MYOF: variants seen among roughly 807,000 people sequenced by gnomAD.
The protein encoded by MYOF is fer-1-like 3, myoferlin.
A neutral mutation model predicts 284.2 loss-of-function variants in MYOF; 244 were observed. The ratio of observed to expected loss-of-function variants is 0.86; its 90% CI spans 0.77 to 0.95. The LOEUF is 0.95. Among genes scored for constraint, MYOF ranks in the 40% least tolerant of loss-of-function variants. The probability of loss-of-function intolerance (pLI) is 0.00; values close to 1 mark genes in which losing one functional copy is unlikely to be tolerated. For missense variants in MYOF, 2,496 were observed against 2,560.6 expected (o/e 0.97, Z 0.54); for synonymous variants, 904 against 919.7 (o/e 0.98, Z 0.31).
At position 93,452,031 on chromosome 10, in the gene MYOF, A is replaced by C; in HGVS notation, c.236+19T>G. On this transcript the variant is annotated intron_variant, in intron 3 of 53. Coordinates refer to ENST00000359263, the MANE Select transcript of MYOF (RefSeq NM_013451.4). Reference sequence around the variant, plus strand: ...GATAGTAATACCTAAAATGAGAAAAACAGGTGAAAACAACTTACTTATTTT... The same window carrying C: ...GATAGTAATACCTAAAATGAGAAAACCAGGTGAAAACAACTTACTTATTTT... The C allele has an allele frequency of 6.5e-7, 1 of 1,543,828 alleles. No homozygotes were observed. The highest frequency in any genetic ancestry group is 1.2e-5 in the South Asian group (1 of 86,056).
chr10:93,462,364 C>A (rs1211904350), intron 1 of MYOF, among the ~76,000 whole-genome samples: 1 of 152,200 alleles, frequency 6.6e-6, no homozygotes, highest in Non-Finnish European at 1.5e-5. Flanking sequence ...GACACCGTGC[C>A]CGGCCTGCTA....
At chr10:93,367,668 A>G (rs1039892441) in intron 25 of MYOF, among the ~76,000 whole-genome samples, 4 of 152,102 alleles carry the variant, frequency 2.6e-5, no homozygotes, top group Admixed American at 2.6e-4. Context: ...TGGCATGGAC[A>G]AGAGGGTATC....
At chr10:93,331,249 G>C (rs938629350) in intron 43 of MYOF, among the ~76,000 whole-genome samples, 8 of 152,132 alleles carry the variant, frequency 5.3e-5, no homozygotes, top group Non-Finnish European at 1.2e-4. Context: ...GTCCCCAAGA[G>C]TCTCTGCGGA....
intron 26 of MYOF, among the ~76,000 whole-genome samples, chr10:93,365,691 T>C (rs1845292973): frequency 6.6e-6 from 1 of 152,196 alleles, no homozygotes; most frequent in South Asian, 2.1e-4. Context: ...TCTGCGAGTC[T>C]CTTGTGTTTC....
intron 1 of MYOF, among the ~76,000 whole-genome samples, chr10:93,470,262 G>GAAAA (rs1365903162): frequency 6.7e-6 from 1 of 149,930 alleles, no homozygotes; most frequent in East Asian, 1.9e-4. Flanking sequence ...AAGAAAGAAA[G>GAAAA]AAAGAAAATA....
intron 16 of MYOF, among the ~76,000 whole-genome samples, chr10:93,394,451 T>TTC (rs1846876619): frequency 1.4e-5 from 1 of 69,602 alleles, no homozygotes; most frequent in Admixed American, 1.4e-4. Flanking sequence ...ATCTTGTCTT[T>TTC]TTTTTTTTTT....
chr10:93,317,469 T>C (rs1842661585), intron 49 of MYOF, among the ~76,000 whole-genome samples: 1 of 151,928 alleles, frequency 6.6e-6, no homozygotes, highest in Admixed American at 6.6e-5. Flanking sequence ...AAACCCCGTC[T>C]CTACTAAAAA....
In MYOF at chr10:93,351,544, T is replaced by C. The variant is rs1341635999; in HGVS notation, c.3691A>G (p.Ile1231Val). The C allele has an allele frequency of 6.2e-7, 1 of 1,614,114 alleles. No individual in the cohort carries two copies. The highest frequency in any genetic ancestry group is 1.1e-5 in the South Asian group (1 of 91,068). ...TTCAGTTTCACCACAGGAGAGAAAA[T>C]GCTTCGTCCTAAAAATTCATCTTTG... is the stretch of plus-strand genomic sequence containing the variant. ...VGKDEFLGRS[I>V]FSPVVKLNSE... is the part of the protein sequence containing the mutation. Residue 1231 changes from isoleucine to valine, a missense_variant, in exon 34 of 54, where the codon ATT becomes GTT. Around this residue, in one of 3 missense-constraint regions of MYOF, gnomAD observed 2,436 missense variants for 2,480.7 expected, o/e 0.98. Transcript: ENST00000359263.
At chr10:93,467,244 C>T (rs933836602) in intron 1 of MYOF, among the ~76,000 whole-genome samples, 2 of 151,536 alleles carry the variant, frequency 1.3e-5, no homozygotes, top group African/African-American at 2.4e-5. Flanking sequence ...TATACAAGTG[C>T]CATGTTGGTG....
chr10:93,442,094 A>G (rs909562064), intron 3 of MYOF, among the ~76,000 whole-genome samples: 2 of 151,804 alleles, frequency 1.3e-5, no homozygotes, highest in African/African-American at 4.8e-5. Context: ...TAACATACCT[A>G]TGTAAAATCC....
chr10:93,475,940 C>T (rs1360044622), intron 1 of MYOF, among the ~76,000 whole-genome samples: 1 of 152,190 alleles, frequency 6.6e-6, no homozygotes, highest in Non-Finnish European at 1.5e-5. Flanking sequence ...AATTCCCATG[C>T]TTCCATAGGG....
At position 93,366,474 on chromosome 10, in the gene MYOF, T is replaced by C; in HGVS notation, c.2671A>G (p.Lys891Glu). 6.2e-7 allele frequency: 1 copy of C among 1,614,082 alleles called. No homozygotes were observed. The highest frequency in any genetic ancestry group is 8.5e-7 in the Non-Finnish European group (1 of 1,179,986). The stretch of plus-strand genomic sequence containing the variant: ...AAAAATTCCCTCTTGAGTTTTATTT[T>C]TCCTGTGACATCAGAAAACTTATGA... Reference protein sequence around the residue: ...GRHKFSDVTGKIKLKREFFLP... With the variant: ...GRHKFSDVTGEIKLKREFFLP... The change falls in exon 26 of 54, where the codon AAA (lysine) becomes GAA (glutamate). Residue 891 changes from lysine (K) to glutamate (E), a missense_variant. By Grantham distance (56) the Lys-to-Glu change is moderately conservative (BLOSUM62 1). Transcript: ENST00000359263.
At chr10:93,406,229 T>A (rs1247215370) in intron 7 of MYOF, among the ~76,000 whole-genome samples, 1 of 142,238 alleles carries the variant, frequency 7.0e-6, no homozygotes, top group African/African-American at 2.5e-5. Flanking sequence ...AAAGTGCCAG[T>A]ATTACAGGCG....
rs182821832 is a variant in MYOF, at chr10:93,316,535, T to C, written c.5698+179A>G. ...CAGAGCCCTTGAAAAGGGATGGCAC[T>C]CACTGTCAGGCTGCACTGCCAAGAG... On this transcript the variant is annotated intron_variant, in intron 50 of 53. Transcript: ENST00000359263. 3.6e-3 allele frequency among the ~76,000 whole-genome samples: 554 copies of C among 152,152 alleles called. 5 individuals carry two copies. The highest frequency in any genetic ancestry group is 0.013 in the African/African-American group (526 of 41,472).
chr10:93,445,335 T>C (rs376344800), intron 3 of MYOF, among the ~76,000 whole-genome samples: 1 of 152,148 alleles, frequency 6.6e-6, no homozygotes, highest in African/African-American at 2.4e-5. Context: ...TGAGGATCAA[T>C]TGGGGTAATG....
chr10:93,443,086 C>T lies in MYOF; in HGVS notation c.236+8964G>A, dbSNP rs1456043569. On this transcript the variant is annotated intron_variant, in intron 3 of 53. Transcript: ENST00000359263. ...CTGAGGTAGGAGAATCACTTGAACC[C>T]GGAGGCGGAGGTTGCAGTAAGCTGA... Among the ~76,000 whole-genome samples, 8 of 145,604 alleles carry T rather than the reference C, an allele frequency of 5.5e-5. No individual in the cohort carries two copies. The East Asian group carries it at 6.2e-4, about 11-fold the overall frequency.
intron 5 of MYOF, among the ~76,000 whole-genome samples, chr10:93,410,101 T>C (rs1392381359): frequency 1.3e-5 from 2 of 152,150 alleles, no homozygotes; most frequent in African/African-American, 2.4e-5. Flanking sequence ...AACACTGCAG[T>C]CTTGCAATGA....
intron 27 of MYOF, among the ~76,000 whole-genome samples, chr10:93,362,563 T>G (rs1399540296): frequency 2.6e-5 from 4 of 152,130 alleles, no homozygotes; most frequent in Non-Finnish European, 2.9e-5. Flanking sequence ...TTTTTGAGTA[T>G]GGGGAAATGC....
intron 36 of MYOF, among the ~76,000 whole-genome samples, chr10:93,348,600 T>C (rs913630954): frequency 1.3e-5 from 2 of 151,686 alleles, no homozygotes; most frequent in Non-Finnish European, 2.9e-5. Context: ...CAAGGATAGG[T>C]GGAGTGGCCC....
Sources: allele counts gnomAD v4.1 joint callset (sites outside exome capture counted in the v4.1 genomes callset), GRCh38; gene constraint gnomAD v4.1.1; regional missense constraint gnomAD v4.1.1; transcripts MANE v1.5; gene names NCBI Gene and HGNC (gene_info 2026-07-23, HGNC 2026-07-21).